The following PPFIBP1 variants were observed in gnomAD, a reference collection of about 807,000 sequenced individuals.
The protein encoded by PPFIBP1 is PPFIB scaffold protein 1, also known as liprin-beta-1.
In PPFIBP1, 112 loss-of-function variants were observed where a neutral mutation model predicts 137.8. That is an observed-to-expected ratio of 0.81 (90% confidence interval 0.70 to 0.95). The LOEUF (loss-of-function observed/expected upper bound fraction) is 0.95, where lower values mean the gene tolerates loss of function less well. Among genes scored for constraint, PPFIBP1 ranks in the 40% least tolerant of loss-of-function variants. The pLI, the probability that PPFIBP1 is intolerant of heterozygous loss-of-function variation, is 0.00. For missense variants in PPFIBP1, 1,083 were observed against 1,196.6 expected (o/e 0.91, Z 1.40); for synonymous variants, 378 against 417.3 (o/e 0.91, Z 1.15).
At chr12:27,639,196 T>G (rs535897849) in intron 4 of PPFIBP1, among the ~76,000 whole-genome samples, 12 of 152,222 alleles carry the variant, frequency 7.9e-5, no homozygotes, top group Non-Finnish European at 1.8e-4. Context: ...CTTTTAAAAT[T>G]CAGAAGTGCG....
At chr12:27,585,042 T>A (rs2051566633) in intron 2 of PPFIBP1, among the ~76,000 whole-genome samples, 1 of 152,224 alleles carries the variant, frequency 6.6e-6, no homozygotes, top group Non-Finnish European at 1.5e-5. Context: ...TGTGTATCAA[T>A]GAGCAGAAAC....
chr12:27,565,075 T>C (rs1199526033), intron 1 of PPFIBP1, among the ~76,000 whole-genome samples: 2 of 152,262 alleles, frequency 1.3e-5, no homozygotes, highest in Non-Finnish European at 2.9e-5. Flanking sequence ...GCTCTTAGAA[T>C]GCTTTTTACA....
At chr12:27,529,161 A>G (rs1944117767) in intron 1 of PPFIBP1, among the ~76,000 whole-genome samples, 1 of 152,232 alleles carries the variant, frequency 6.6e-6, no homozygotes, top group African/African-American at 2.4e-5. Flanking sequence ...GAGGAAGATC[A>G]AGTACCACCA....
At chr12:27,675,472 T>TA (rs1257651930) in intron 17 of PPFIBP1, among the ~76,000 whole-genome samples, 1 of 151,758 alleles carries the variant, frequency 6.6e-6, no homozygotes, top group Non-Finnish European at 1.5e-5. Context: ...TCTGCTTCTG[T>TA]AAAAAAAGAA....
At chr12:27,526,522 T>G (rs1592249732) in intron 1 of PPFIBP1, among the ~76,000 whole-genome samples, 1 of 152,312 alleles carries the variant, frequency 6.6e-6, no homozygotes, top group Admixed American at 6.5e-5. Flanking sequence ...AACTGTCATA[T>G]TTCCAAGAGC....
At chr12:27,667,565 C>T (rs11049087) in intron 13 of PPFIBP1, among the ~76,000 whole-genome samples, 13,653 of 152,278 alleles carry the variant, frequency 0.09, 769 homozygotes, top group South Asian at 0.24. Flanking sequence ...AACAGTTATA[C>T]ACTCCTTACT....
intron 1 of PPFIBP1, among the ~76,000 whole-genome samples, chr12:27,531,595 G>A (rs566825014): frequency 6.6e-6 from 1 of 151,988 alleles, no homozygotes. Flanking sequence ...GAGCCACCAC[G>A]TCCGGCCAGA....
chr12:27,641,626 T>G (rs2058107995), intron 4 of PPFIBP1, among the ~76,000 whole-genome samples: 2 of 152,230 alleles, frequency 1.3e-5, no homozygotes. Flanking sequence ...TTGATTGTAA[T>G]ACTTCATAAT....
At chr12:27,525,380 A>C (rs921382277) in intron 1 of PPFIBP1, among the ~76,000 whole-genome samples, 3 of 151,886 alleles carry the variant, frequency 2.0e-5, no homozygotes. Flanking sequence ...TCTTTTTCCT[A>C]TGTGGAGATT....
intron 1 of PPFIBP1, among the ~76,000 whole-genome samples, chr12:27,531,668 A>G (rs1268139924): frequency 6.6e-6 from 1 of 152,094 alleles, no homozygotes; most frequent in Admixed American, 6.6e-5. Context: ...AAATGGTGGC[A>G]CTGTTACCAA....
At chr12:27,645,519 T>C (rs1170078336) in intron 4 of PPFIBP1, among the ~76,000 whole-genome samples, 2 of 152,142 alleles carry the variant, frequency 1.3e-5, no homozygotes, top group African/African-American at 4.8e-5. Context: ...CTGAGCCAGA[T>C]GCTGGGGAGG....
chr12:27,691,979 C>A, intron 28 of PPFIBP1, 51 bp downstream of exon 28: 2 of 1,469,326 alleles, frequency 1.4e-6, no homozygotes, highest in Non-Finnish European at 9.2e-7. Flanking sequence ...CATTCAGACA[C>A]TAAATGGGAA....
chr12:27,609,862 G>A (rs1465861808), intron 2 of PPFIBP1, among the ~76,000 whole-genome samples: 2 of 152,162 alleles, frequency 1.3e-5, no homozygotes, highest in Non-Finnish European at 2.9e-5. Context: ...GGTATCCATG[G>A]AGAAGAGGGT....
At chr12:27,596,983 T>G (rs1243916711) in intron 2 of PPFIBP1, among the ~76,000 whole-genome samples, 1 of 152,164 alleles carries the variant, frequency 6.6e-6, no homozygotes, top group East Asian at 1.9e-4. Flanking sequence ...ACCTCCTCCC[T>G]GGAAGATTCC....
At chr12:27,624,147 A>T (rs2056599292) in intron 2 of PPFIBP1, among the ~76,000 whole-genome samples, 1 of 152,112 alleles carries the variant, frequency 6.6e-6, no homozygotes, top group South Asian at 2.1e-4. Context: ...GTGTCTTCTA[A>T]GGAGGGCATG....
At chr12:27,572,182 T>G (rs1712080579) in intron 1 of PPFIBP1, among the ~76,000 whole-genome samples, 2 of 152,228 alleles carry the variant, frequency 1.3e-5, no homozygotes, top group Non-Finnish European at 2.9e-5. Context: ...ATGTAAATTT[T>G]GCACTTCAGT....
Position 27,647,765 on chromosome 12 carries a change from G to A in PPFIBP1, c.394G>A (p.Glu132Lys). Reference protein sequence around the residue: ...VLTDQVEAQGEKIRDLEFCLE... With the variant: ...VLTDQVEAQGKKIRDLEFCLE... ...AACAGACCAGGTGGAGGCTCAGGGA[G>A]AGAAGATTCGAGATTTGGAGTTTTG... Residue 132 changes from glutamate (E) to lysine (K), a missense_variant, in exon 6 of 30, where the codon GAG becomes AAG. Glu to Lys is a moderately conservative substitution (Grantham distance 56). Coordinates refer to ENST00000228425, the MANE Select transcript of PPFIBP1 (RefSeq NM_003622.4). 6.2e-7 allele frequency: 1 copy of A among 1,610,826 alleles called. No individual in the cohort carries two copies. Among genetic ancestry groups the A allele is most frequent in the Non-Finnish European group, 8.5e-7 (1 of 1,178,676 alleles).
At chr12:27,637,024 A>C (rs1336898372) in intron 4 of PPFIBP1, 1 of 152,190 alleles carries the variant, frequency 6.6e-6, no homozygotes, top group African/African-American at 2.4e-5. Flanking sequence ...TCATGCTCTC[A>C]GTGAGGCCTT....
chr12:27,687,323 C>CT (rs1257805649), intron 24 of PPFIBP1, 62 bp from the exon 25 acceptor site: 2 of 1,558,680 alleles, frequency 1.3e-6, no homozygotes, highest in Non-Finnish European at 1.7e-6. Flanking sequence ...CTGAGATTCC[C>CT]TAAGAAAGTC....
Sources: allele counts gnomAD v4.1 joint callset (sites outside exome capture counted in the v4.1 genomes callset), GRCh38; gene constraint gnomAD v4.1.1; transcripts MANE v1.5; gene names NCBI Gene and HGNC (gene_info 2026-07-23, HGNC 2026-07-21).